The following AAK1 variants were observed in gnomAD, a reference collection of about 807,000 sequenced individuals.
AAK1 encodes AP2-associated protein kinase 1.
A neutral mutation model predicts 116.0 loss-of-function variants in AAK1; 37 were observed. That is an observed-to-expected ratio of 0.32 (90% CI 0.25 to 0.42). The LOEUF is 0.42. Ranked by LOEUF, AAK1 falls within the 10% of genes least tolerant of loss-of-function variation. The pLI, the probability that AAK1 is intolerant of heterozygous loss-of-function variation, is 1.00. For synonymous variants in AAK1, 458 were observed against 439.9 expected (o/e 1.04, Z -0.51); for missense variants, 919 against 1,170.6 (o/e 0.79, Z 3.14).
intron 2 of AAK1, among the ~76,000 whole-genome samples, chr2:69,639,896 A>C (rs1675627222): frequency 6.6e-6 from 1 of 152,006 alleles, no homozygotes; most frequent in Non-Finnish European, 1.5e-5. Context: ...TTAAGCCTTT[A>C]AGGAGCTGGT....
In AAK1 at chr2:69,475,316, C is replaced by T; in HGVS notation, c.*553G>A. The T allele has an allele frequency of 1.0e-6, 1 of 986,118 alleles. No individual in the cohort carries two copies. Among genetic ancestry groups the T allele is most frequent in the Non-Finnish European group, 1.2e-6 (1 of 830,284 alleles). 61.1% of individuals were successfully genotyped at this position (986,118 alleles called of 1,614,324 possible). A position where few individuals can be genotyped will look rare whatever the true frequency, so the allele number is the denominator to read the frequency against. On this transcript the variant is annotated 3_prime_UTR_variant, in exon 22 of 22. Coordinates refer to ENST00000409085, the MANE Select transcript of AAK1 (RefSeq NM_014911.5). The stretch of plus-strand genomic sequence containing the variant: ...CTCTTCTCAAATATATACTACCAGT[C>T]AGTAAGTTTTACCCTTTCTTAAACC...
intron 3 of AAK1, among the ~76,000 whole-genome samples, chr2:69,549,656 C>T (rs1671093094): frequency 6.6e-6 from 1 of 152,168 alleles, no homozygotes; most frequent in African/African-American, 2.4e-5. Flanking sequence ...TTCTTTTTGT[C>T]TTTTGGCACC....
Position 69,589,708 on chromosome 2 carries a change from C to CAA in AAK1, c.164-32732_164-32731dup, listed in dbSNP as rs762986666. The stretch of plus-strand genomic sequence containing the variant: ...TGGGCAACAAAGAGAAACTCTGTCT[C>CAA]AAAAAAAAAAAAAAAAAAAAAGAAA... On this transcript the variant is annotated intron_variant, in intron 2 of 21. Coordinates refer to ENST00000409085, the MANE Select transcript of AAK1 (RefSeq NM_014911.5). Among the ~76,000 whole-genome samples the CAA allele has an allele frequency of 7.5e-3, 441 of 58,468 alleles. 1 individual carries two copies. The highest frequency in any genetic ancestry group is 0.012 in the Non-Finnish European group (287 of 23,786). 38.4% of individuals were successfully genotyped at this position (58,468 alleles called of 152,430 possible).
At chr2:69,628,915 G>A (rs2105253784) in intron 2 of AAK1, among the ~76,000 whole-genome samples, 1 of 152,300 alleles carries the variant, frequency 6.6e-6, no homozygotes, top group South Asian at 2.1e-4. Context: ...AAATATGTTT[G>A]TTCCCAGAGG....
intron 17 of AAK1, among the ~76,000 whole-genome samples, chr2:69,492,365 C>G (rs755482102): frequency 1.3e-5 from 2 of 151,862 alleles, no homozygotes; most frequent in Admixed American, 6.6e-5. Context: ...AGGCGCCCAC[C>G]ACCATGCCCA....
At chr2:69,568,760 A>T (rs1485854676) in intron 2 of AAK1, among the ~76,000 whole-genome samples, 2 of 152,190 alleles carry the variant, frequency 1.3e-5, no homozygotes, top group Non-Finnish European at 2.9e-5. Context: ...CTCATGCTGG[A>T]AAGCAGGCTG....
Position 69,475,307 on chromosome 2 carries a change from A to G in AAK1, c.*562T>C. ...GCTCAATTTCTCTTCTCAAATATAT[A>G]CTACCAGTCAGTAAGTTTTACCCTT... On this transcript the variant is annotated 3_prime_UTR_variant, in exon 22 of 22. Coordinates refer to ENST00000409085, the MANE Select transcript of AAK1 (RefSeq NM_014911.5). 1.0e-6 allele frequency: 1 copy of G among 986,004 alleles called. No individual in the cohort carries two copies. The highest frequency in any genetic ancestry group is 1.2e-6 in the Non-Finnish European group (1 of 830,178). The allele number at this position is 986,004 out of a possible 1,614,324, so 61.1% of individuals were successfully genotyped here.
chr2:69,606,990 CAA>C (rs1673826806), intron 2 of AAK1, among the ~76,000 whole-genome samples: 1 of 137,872 alleles, frequency 7.3e-6, no homozygotes, highest in Non-Finnish European at 1.5e-5. Flanking sequence ...GGCTTGAGCC[CAA>C]GAGGCAGAGG....
chr2:69,471,721 GTATT>G lies in AAK1; in HGVS notation c.*4144_*4147del. On this transcript the variant is annotated 3_prime_UTR_variant, in exon 22 of 22. Transcript: ENST00000409085. ...TTTTGGCCCAAGGTATCTATAGCAT[GTATT>G]TATTTAGCTGAGTGCAGATCCCTCC... is the stretch of plus-strand genomic sequence containing the variant. The G allele has an allele frequency of 1.0e-5, 10 of 985,438 alleles. No individual in the cohort carries two copies. The highest frequency in any genetic ancestry group is 1.2e-5 in the Non-Finnish European group (10 of 829,944). 61.0% of individuals were successfully genotyped at this position (985,438 alleles called of 1,614,324 possible).
chr2:69,572,690 TA>T (rs1672138059), intron 2 of AAK1, among the ~76,000 whole-genome samples: 1 of 151,010 alleles, frequency 6.6e-6, no homozygotes, highest in Non-Finnish European at 1.5e-5. Flanking sequence ...GAGTGCCCCT[TA>T]AATTCTGCAC....
At chr2:69,587,447 GTA>G (rs1266745324) in intron 2 of AAK1, among the ~76,000 whole-genome samples, 5 of 147,962 alleles carry the variant, frequency 3.4e-5, no homozygotes, top group Non-Finnish European at 7.4e-5. Flanking sequence ...ATGTGTATAT[GTA>G]TATATGTGTG....
chr2:69,488,678 T>C (rs998707473), intron 17 of AAK1, among the ~76,000 whole-genome samples: 19 of 152,166 alleles, frequency 1.2e-4, no homozygotes, highest in African/African-American at 4.6e-4. Flanking sequence ...ATTACAGTAG[T>C]GAATATGGGT....
chr2:69,487,794 T>G (rs1184150560), intron 17 of AAK1, among the ~76,000 whole-genome samples: 2 of 149,574 alleles, frequency 1.3e-5, no homozygotes, highest in Non-Finnish European at 3.0e-5. Context: ...TTGCTTTTTT[T>G]TTTTTTTTTT....
intron 2 of AAK1, among the ~76,000 whole-genome samples, chr2:69,587,483 T>C (rs1672841255): frequency 6.7e-6 from 1 of 149,030 alleles, no homozygotes; most frequent in Non-Finnish European, 1.5e-5. Flanking sequence ...ATATATTTTT[T>C]TGATGTCGTT....
intron 17 of AAK1, among the ~76,000 whole-genome samples, chr2:69,493,487 C>T (rs1675621999): frequency 6.6e-6 from 1 of 151,988 alleles, no homozygotes; most frequent in South Asian, 2.1e-4. Context: ...TCGTCTGGTG[C>T]CTGGGAGCTG....
intron 2 of AAK1, among the ~76,000 whole-genome samples, chr2:69,576,615 A>G (rs1459947982): frequency 6.6e-6 from 1 of 152,190 alleles, no homozygotes; most frequent in Non-Finnish European, 1.5e-5. Flanking sequence ...CTGTTCCTGC[A>G]TTAGTTTTAT....
At chr2:69,573,373 G>A (rs995632469) in intron 2 of AAK1, among the ~76,000 whole-genome samples, 1 of 152,208 alleles carries the variant, frequency 6.6e-6, no homozygotes. Context: ...AAACAAGGAG[G>A]AAAAGTAGCT....
At chr2:69,477,165 T>C (rs1475741699) in intron 20 of AAK1, among the ~76,000 whole-genome samples, 175 bp from the exon 21 acceptor site, 1 of 150,914 alleles carries the variant, frequency 6.6e-6, no homozygotes, top group Non-Finnish European at 1.5e-5. Context: ...TACAGAGATA[T>C]AGAAAAAAAT....
Position 69,470,485 on chromosome 2 carries a change from G to A in AAK1, c.*5384C>T, listed in dbSNP as rs376837624. 3.0e-6 allele frequency: 3 copies of A among 985,382 alleles called. No individual in the cohort carries two copies. The highest frequency in any genetic ancestry group is 2.3e-4 in the East Asian group (2 of 8,818). The allele number at this position is 985,382 out of a possible 1,614,324, so 61.0% of individuals were successfully genotyped here. A position where few individuals can be genotyped will look rare whatever the true frequency, so the allele number is the denominator to read the frequency against. On this transcript the variant is annotated 3_prime_UTR_variant, in exon 22 of 22. Transcript: ENST00000409085. ...TTAAAACCCACGACTGGGAAATGAG[G>A]GACCTCATGGAAGCCAAAAATGGCC... is the stretch of plus-strand genomic sequence containing the variant.
Sources: gnomAD v4.1 joint callset for allele counts (sites outside exome capture counted in the v4.1 genomes callset) on GRCh38, gnomAD v4.1.1 for gene constraint, MANE v1.5 for transcripts, NCBI Gene and HGNC (gene_info 2026-07-23, HGNC 2026-07-21) for gene names.